The following MUC12 variants were observed in gnomAD, a reference collection of about 807,000 sequenced individuals.
MUC12 encodes mucin-12.
In MUC12, 172 loss-of-function variants were observed where a neutral mutation model predicts 230.8. The ratio of observed to expected loss-of-function variants is 0.75; its 90% confidence interval spans 0.66 to 0.85. MUC12 has a LOEUF of 0.85. MUC12 is among the 40% of genes least tolerant of loss of function. The pLI, the probability that MUC12 is intolerant of heterozygous loss-of-function variation, is 0.00. For synonymous variants in MUC12, 1,259 were observed against 2,401.9 expected (o/e 0.52, Z 13.91); for missense variants, 3,506 against 5,920.6 (o/e 0.59, Z 13.38).
intron 10 of MUC12, 26 bp from the exon 11 acceptor site, chr7:101,017,549 T>G (rs1244306761): frequency 6.8e-7 from 1 of 1,465,702 alleles, no homozygotes; most frequent in Non-Finnish European, 9.2e-7. Context: ...AAGGCTCCCA[T>G]CACTCATCAC....
At position 101,004,499 on chromosome 7, in the gene MUC12, A is replaced by T. The variant is rs1349432229; in HGVS notation, c.13936A>T (p.Ser4646Cys). 1 of 1,532,924 alleles carries T rather than the reference A, an allele frequency of 6.5e-7. No individual in the cohort carries two copies. The highest frequency in any genetic ancestry group is 1.2e-5 in the South Asian group (1 of 83,726). The allele number at this position is 1,532,924 out of a possible 1,614,324, so 95.0% of individuals were successfully genotyped here. A position where few individuals can be genotyped will look rare whatever the true frequency, so the allele number is the denominator to read the frequency against. Residue 4646 changes from serine (S) to cysteine (C), a missense_variant, in exon 2 of 12, where the codon AGC (serine) becomes TGC (cysteine). Coordinates refer to ENST00000536621, the MANE Select transcript of MUC12 (RefSeq NM_001164462.2). ...STTHTISSPP[S>C]TTSALVEEPT... ...AACACACACAATATCTTCACCTCCTAGCACCACATCTGCCCTTGTTGAAGA... is the reference window on the plus strand; with the variant it reads ...AACACACACAATATCTTCACCTCCTTGCACCACATCTGCCCTTGTTGAAGA...
intron 8 of MUC12, among the ~76,000 whole-genome samples, chr7:101,013,575 G>A (rs751386249): frequency 5.9e-5 from 9 of 152,092 alleles, no homozygotes; most frequent in Non-Finnish European, 1.2e-4. Context: ...CATAAATTAA[G>A]GTGCAAAAGA....
At chr7:100,974,276 GC>G in intron 1 of MUC12, among the ~76,000 whole-genome samples, 2 of 152,376 alleles carry the variant, frequency 1.3e-5, no homozygotes, top group South Asian at 2.1e-4. Context: ...TATTTCTCCT[GC>G]CCTGTTCTCT....
Position 100,991,713 on chromosome 7 carries a change from G to A in MUC12, c.1150G>A (p.Glu384Lys), listed in dbSNP as rs1793313249. The change falls in exon 2 of 12, where the codon GAA becomes AAA. Residue 384 changes from glutamate (E) to lysine (K), a missense_variant. Glu to Lys is a moderately conservative substitution (Grantham distance 56). Transcript: ENST00000536621. ...PESSTTSGHS[E>K]ESATFHGSTT... Reference sequence around the variant, plus strand: ...AAGCTCCACAACTTCAGGCCATAGTGAAGAATCAGCAACTTTCCACGGCAG... The same window carrying A: ...AAGCTCCACAACTTCAGGCCATAGTAAAGAATCAGCAACTTTCCACGGCAG... 6.5e-7 allele frequency: 1 copy of A among 1,537,880 alleles called. No homozygotes were observed. The highest frequency in any genetic ancestry group is 1.2e-5 in the South Asian group (1 of 84,066).
chr7:101,014,408 C>T (rs374919065), intron 9 of MUC12: 132 of 209,756 alleles, frequency 6.3e-4, no homozygotes, highest in African/African-American at 2.8e-3. Context: ...TGAGGACTTT[C>T]TTGCTGCATC....
intron 2 of MUC12, among the ~76,000 whole-genome samples, 152 bp downstream of exon 2, chr7:101,005,671 T>C (rs1793735924): frequency 6.6e-6 from 1 of 152,240 alleles, no homozygotes; most frequent in South Asian, 2.1e-4. Flanking sequence ...TCGATACCAC[T>C]TCCAGTGTTC....
Position 100,992,512 on chromosome 7 carries a change from C to A in MUC12, c.1949C>A (p.Thr650Asn), listed in dbSNP as rs1286417589. The change falls in exon 2 of 12, where the codon ACC (threonine) becomes AAC (asparagine). Residue 650 changes from threonine to asparagine, a missense_variant. Physicochemically the swap from Thr to Asn is moderately conservative, Grantham distance 65. Transcript: ENST00000536621. ...GACACTAGGCCTGCACCTCCTACTA[C>A]CACATCAGCCTTTGTTGAGCCATCT... ...SKDTRPAPPTTTSAFVEPSTT... is the reference protein window; with the variant it reads ...SKDTRPAPPTNTSAFVEPSTT... 3.3e-6 allele frequency: 5 copies of A among 1,537,850 alleles called. No individual in the cohort carries two copies. Among genetic ancestry groups the A allele is most frequent in the African/African-American group, 1.4e-5 (1 of 73,054 alleles).
Position 100,993,904 on chromosome 7 carries a change from C to T in MUC12, c.3341C>T (p.Thr1114Ile), listed in dbSNP as rs1345486264. ...FYSSPRSPTT[T>I]LSPASMTSLG... ...AGCAGCCCCAGATCACCAACCACAACACTCTCACCTGCCAGCATGACAAGC... is the reference window on the plus strand; with the variant it reads ...AGCAGCCCCAGATCACCAACCACAATACTCTCACCTGCCAGCATGACAAGC... The change falls in exon 2 of 12, where the codon ACA becomes ATA. Residue 1114 changes from threonine (T) to isoleucine (I), a missense_variant. Transcript: ENST00000536621. 7 of 1,492,480 alleles carry T rather than the reference C, an allele frequency of 4.7e-6. 1 individual carries two copies. Among genetic ancestry groups the T allele is most frequent in the Middle Eastern group, 1.7e-4 (1 of 5,910 alleles). 92.5% of individuals were successfully genotyped at this position (1,492,480 alleles called of 1,614,324 possible).
chr7:100,977,613 C>G (rs1793052910), intron 1 of MUC12, among the ~76,000 whole-genome samples: 1 of 152,202 alleles, frequency 6.6e-6, no homozygotes, highest in Admixed American at 6.5e-5. Flanking sequence ...ATCCACCCAC[C>G]TTGGCCTCCC....
intron 1 of MUC12, among the ~76,000 whole-genome samples, chr7:100,982,110 G>T (rs1342016882): frequency 6.6e-6 from 1 of 152,024 alleles, no homozygotes; most frequent in Non-Finnish European, 1.5e-5. Flanking sequence ...CAGGTGATCT[G>T]CCTGCCTTGG....
Position 100,992,843 on chromosome 7 carries a change from C to T in MUC12, c.2280C>T (p.Thr760=), listed in dbSNP as rs759310931. ...CACACTTCCCTGACAGCTCCACAACCTCAGGCCGTAGTGAGGAATCAACAG... is the reference window on the plus strand; with the variant it reads ...CACACTTCCCTGACAGCTCCACAACTTCAGGCCGTAGTGAGGAATCAACAG... ...ATTHFPDSST[T]SGRSEESTAS... Residue 760 remains threonine, a synonymous_variant, in exon 2 of 12, where the codon ACC becomes ACT. Transcript: ENST00000536621. 4 of 1,537,556 alleles carry T rather than the reference C, an allele frequency of 2.6e-6. No homozygotes were observed. Among genetic ancestry groups the T allele is most frequent in the Non-Finnish European group, 3.5e-6 (4 of 1,147,052 alleles).
chr7:100,970,493 AAAAGAGAGAGAGAAAG>A (rs1193675196), intron 1 of MUC12, among the ~76,000 whole-genome samples: 27 of 151,950 alleles, frequency 1.8e-4, no homozygotes, highest in African/African-American at 6.3e-4. Context: ...GCCAAAAAAA[AAAAGAGAGAGAGAAAG>A]AAAGAGAGAA....
rs369868226 is a variant in MUC12, at chr7:101,005,112, C to G, written c.14549C>G (p.Ser4850Cys). The stretch of plus-strand genomic sequence containing the variant: ...ACAGTGCCAGGCCTTAGTGAGGAAT[C>G]TACCACCTTCTACAGCAGCCCAGGC... ...STTVPGLSEE[S>C]TTFYSSPGST... The change falls in exon 2 of 12, where the codon TCT (serine) becomes TGT (cysteine). Residue 4850 changes from serine (S) to cysteine (C), a missense_variant. Transcript: ENST00000536621. 1 of 1,538,000 alleles carries G rather than the reference C, an allele frequency of 6.5e-7. No homozygotes were observed. Among genetic ancestry groups the G allele is most frequent in the Non-Finnish European group, 8.7e-7 (1 of 1,147,080 alleles).
rs1229023469 is a variant in MUC12, at chr7:101,005,238, TA to T, written c.14676del (p.Leu4892PhefsTer92). 6.5e-7 allele frequency: 1 copy of T among 1,537,844 alleles called. No homozygotes were observed. Among genetic ancestry groups the T allele is most frequent in the South Asian group, 1.2e-5 (1 of 84,064 alleles). ...PDSPGFTHTV[L>X]PATLTTTDIG... ...AGCCCAGGCTTCACTCACACAGTGT[TA>T]CCTGCCACCCTCACAACCACAGACA... On this transcript the variant is annotated frameshift_variant, in exon 2 of 12. Transcript: ENST00000536621. LOFTEE classifies it high-confidence loss of function.
chr7:101,010,373 C>G (rs919807659), intron 5 of MUC12, among the ~76,000 whole-genome samples: 2 of 152,066 alleles, frequency 1.3e-5, no homozygotes, highest in Non-Finnish European at 2.9e-5. Context: ...GTCTCGCTCT[C>G]TTGCCCAGGC....
At chr7:100,981,471 A>G in intron 1 of MUC12, 1 of 532,922 alleles carries the variant, frequency 1.9e-6, no homozygotes, top group Non-Finnish European at 3.4e-6. Flanking sequence ...GTGAGCAGGC[A>G]AGGGCTGCAG....
chr7:101,012,491 G>T, intron 6 of MUC12, 44 bp downstream of exon 6: 1 of 1,525,114 alleles, frequency 6.6e-7, no homozygotes, highest in South Asian at 1.2e-5. Flanking sequence ...GTGTCTTGGA[G>T]ATCGTGACCT....
chr7:100,992,057 T>C lies in MUC12; in HGVS notation c.1494T>C (p.Ser498=), dbSNP rs1465575173. The C allele has an allele frequency of 3.3e-6, 5 of 1,536,754 alleles. No individual in the cohort carries two copies. Among genetic ancestry groups the C allele is most frequent in the Non-Finnish European group, 3.5e-6 (4 of 1,146,378 alleles). ...GTGAGAAATCTACCACTTTCTACAG[T>C]AGCCCCAGATCACCAGACACAACAC... ...GLSEKSTTFY[S]SPRSPDTTHL... Residue 498 remains serine, a synonymous_variant, in exon 2 of 12, where the codon AGT becomes AGC. Transcript: ENST00000536621.
At chr7:100,974,276 G>T (rs1430551810) in intron 1 of MUC12, among the ~76,000 whole-genome samples, 2 of 152,256 alleles carry the variant, frequency 1.3e-5, no homozygotes, top group African/African-American at 4.8e-5. Context: ...TATTTCTCCT[G>T]CCCTGTTCTC....
Sources: gnomAD v4.1 joint callset for allele counts (sites outside exome capture counted in the v4.1 genomes callset) on GRCh38, gnomAD v4.1.1 for gene constraint, MANE v1.5 for transcripts, NCBI Gene and HGNC (gene_info 2026-07-23, HGNC 2026-07-21) for gene names.